The following ADCY8 variants were observed in gnomAD, a reference collection of about 807,000 sequenced individuals.
ADCY8 encodes adenylate cyclase type 8.
ADCY8 carries 51 observed loss-of-function variants against 119.7 expected under a neutral mutation model. The observed-to-expected ratio is 0.43, with a 90% CI of 0.34 to 0.54. ADCY8 has a LOEUF of 0.54. ADCY8 is among the 20% of genes least tolerant of loss of function. The pLI is 0.03. For synonymous variants in ADCY8, 665 were observed against 651.0 expected (o/e 1.02, Z -0.33); for missense variants, 1,383 against 1,598.8 (o/e 0.87, Z 2.30).
At chr8:130,933,491 C>A (rs1397848626) in intron 5 of ADCY8, among the ~76,000 whole-genome samples, 1 of 152,204 alleles carries the variant, frequency 6.6e-6, no homozygotes, top group Non-Finnish European at 1.5e-5. Flanking sequence ...GAGCCAATTG[C>A]AACCAAGGTT....
intron 2 of ADCY8, among the ~76,000 whole-genome samples, chr8:130,960,410 T>G (rs1031244171): frequency 1.3e-5 from 2 of 151,516 alleles, no homozygotes; most frequent in Non-Finnish European, 2.9e-5. Flanking sequence ...CTGGCAGGCA[T>G]CACTAATTGA....
In ADCY8 at chr8:131,005,880, C is replaced by G. The variant is rs555482827; in HGVS notation, c.961-15338G>C. 3.1e-3 allele frequency among the ~76,000 whole-genome samples: 474 copies of G among 152,264 alleles called. 1 individual carries two copies. The highest frequency in any genetic ancestry group is 0.011 in the African/African-American group (462 of 41,558). ...CCTTGTGGCTCCCTTAATCCCATCT[C>G]AAAACTTTGCTTCAGCTTACTTCAT... is the stretch of plus-strand genomic sequence containing the variant. On this transcript the variant is annotated intron_variant, in intron 1 of 17. Transcript: ENST00000286355.
intron 9 of ADCY8, among the ~76,000 whole-genome samples, chr8:130,850,493 A>G (rs956753334): frequency 6.6e-6 from 1 of 152,066 alleles, no homozygotes; most frequent in African/African-American, 2.4e-5. Flanking sequence ...TGTCTCCCCT[A>G]TCAACCTATT....
intron 1 of ADCY8, among the ~76,000 whole-genome samples, chr8:131,015,172 T>A (rs1024711999): frequency 6.6e-6 from 1 of 152,202 alleles, no homozygotes; most frequent in African/African-American, 2.4e-5. Context: ...GCTCTGAGGA[T>A]ATGTCAGTCA....
intron 7 of ADCY8, among the ~76,000 whole-genome samples, chr8:130,899,759 C>T (rs1354176752): frequency 6.6e-6 from 1 of 152,184 alleles, no homozygotes. Flanking sequence ...TTACTCAGAG[C>T]ATGCAGCAGA....
chr8:130,783,075 T>G (rs1350586930), intron 17 of ADCY8, among the ~76,000 whole-genome samples: 1 of 152,182 alleles, frequency 6.6e-6, no homozygotes. Context: ...ATATTCAGAC[T>G]GCATTTTAGG....
At chr8:130,787,791 G>GCA (rs895858203) in intron 15 of ADCY8, among the ~76,000 whole-genome samples, 1 of 151,324 alleles carries the variant, frequency 6.6e-6, no homozygotes, top group East Asian at 1.9e-4. Context: ...GTGTGTGGGT[G>GCA]CACACACACA....
intron 9 of ADCY8, among the ~76,000 whole-genome samples, chr8:130,867,292 A>C (rs1818160810): frequency 6.6e-6 from 1 of 152,148 alleles, no homozygotes; most frequent in Non-Finnish European, 1.5e-5. Context: ...AACATCTTGA[A>C]CTATGGGATC....
At chr8:130,978,066 T>TCAC (rs781168610) in intron 2 of ADCY8, among the ~76,000 whole-genome samples, 8 of 152,176 alleles carry the variant, frequency 5.3e-5, no homozygotes, top group Admixed American at 2.6e-4. Context: ...CACTCTGCCT[T>TCAC]CACCATGCTT....
intron 12 of ADCY8, among the ~76,000 whole-genome samples, chr8:130,828,552 G>T (rs1202235970): frequency 6.6e-6 from 1 of 152,152 alleles, no homozygotes; most frequent in African/African-American, 2.4e-5. Context: ...GTGGAATAGG[G>T]ATCCTTTCCA....
At chr8:130,933,113 G>C (rs1820682536) in intron 5 of ADCY8, among the ~76,000 whole-genome samples, 1 of 152,182 alleles carries the variant, frequency 6.6e-6, no homozygotes, top group Non-Finnish European at 1.5e-5. Flanking sequence ...GAGAGCTGCT[G>C]AAAGGGAAAG....
At chr8:130,815,846 T>C (rs796861802) in intron 13 of ADCY8, among the ~76,000 whole-genome samples, 11 of 152,318 alleles carry the variant, frequency 7.2e-5, no homozygotes, top group African/African-American at 2.2e-4. Context: ...ATAGGCATTA[T>C]AGGAAGTTAT....
Position 131,040,379 on chromosome 8 carries a change from C to T in ADCY8, c.-46G>A. The T allele has an allele frequency of 2.1e-6, 3 of 1,441,872 alleles. No individual in the cohort carries two copies. The highest frequency in any genetic ancestry group is 2.6e-5 in the Admixed American group (1 of 38,602). The allele number at this position is 1,441,872 out of a possible 1,614,324, so 89.3% of individuals were successfully genotyped here. On this transcript the variant is annotated 5_prime_UTR_variant, in exon 1 of 18. Coordinates refer to ENST00000286355, the MANE Select transcript of ADCY8 (RefSeq NM_001115.3). The stretch of plus-strand genomic sequence containing the variant: ...GAGGCCCAGAACCTTGGGGAGGCAG[C>T]CGGAGGAGGGGTTCCTAAAGACTCA...
At chr8:130,943,135 C>T (rs1042221481) in intron 4 of ADCY8, among the ~76,000 whole-genome samples, 1 of 152,154 alleles carries the variant, frequency 6.6e-6, no homozygotes, top group African/African-American at 2.4e-5. Context: ...CCAGCCGTCT[C>T]TCAATTGAGA....
At chr8:131,016,364 C>A (rs1313775644) in intron 1 of ADCY8, among the ~76,000 whole-genome samples, 1 of 152,048 alleles carries the variant, frequency 6.6e-6, no homozygotes, top group Admixed American at 6.5e-5. Flanking sequence ...ATTAGCTAGG[C>A]ATGGTAGCAC....
intron 7 of ADCY8, among the ~76,000 whole-genome samples, chr8:130,885,323 T>C (rs1280955684): frequency 6.6e-6 from 1 of 152,076 alleles, no homozygotes; most frequent in Non-Finnish European, 1.5e-5. Flanking sequence ...ACTTCGCTAA[T>C]ATGTCCCTCC....
intron 6 of ADCY8, among the ~76,000 whole-genome samples, chr8:130,907,790 T>C (rs140074089): frequency 6.6e-6 from 1 of 152,350 alleles, no homozygotes; most frequent in African/African-American, 2.4e-5. Flanking sequence ...TGCAGCTTTG[T>C]TACAAAGCAT....
intron 16 of ADCY8, 81 bp downstream of exon 16, chr8:130,785,302 A>G (rs956579801): frequency 1.6e-5 from 15 of 919,474 alleles, no homozygotes; most frequent in Admixed American, 2.6e-5. Context: ...GATCTTGGTG[A>G]CAGAGGCTTC....
chr8:130,800,843 A>T (rs1352915921), intron 14 of ADCY8, among the ~76,000 whole-genome samples: 1 of 152,220 alleles, frequency 6.6e-6, no homozygotes, highest in Admixed American at 6.5e-5. Context: ...ACTGGCAGAT[A>T]TGATGTCTGG....
Sources: allele counts gnomAD v4.1 joint callset (sites outside exome capture counted in the v4.1 genomes callset), GRCh38; gene constraint gnomAD v4.1.1; transcripts MANE v1.5; gene names NCBI Gene and HGNC (gene_info 2026-07-23, HGNC 2026-07-21).